ICE1: variants seen among roughly 807,000 people sequenced by gnomAD.
The protein encoded by ICE1 is interactor of little elongation complex ELL subunit 1.
Under a neutral mutation model 192.7 loss-of-function variants are expected in ICE1, and 64 were observed. The observed-to-expected ratio is 0.33, with a 90% CI of 0.27 to 0.41. The LOEUF is 0.41. ICE1 is among the 10% of genes least tolerant of loss of function. The probability of loss-of-function intolerance (pLI) is 1.00; values close to 1 mark genes in which losing one functional copy is unlikely to be tolerated. For missense variants in ICE1, 2,708 were observed against 2,696.0 expected (o/e 1.00, Z -0.10); for synonymous variants, 1,010 against 984.5 (o/e 1.03, Z -0.49).
chr5:5,446,463 C>T (rs1218949939), intron 7 of ICE1, among the ~76,000 whole-genome samples: 1 of 151,730 alleles, frequency 6.6e-6, no homozygotes, highest in African/African-American at 2.4e-5. Flanking sequence ...CTAATTTCGA[C>T]TAATTTTTGT....
intron 1 of ICE1, among the ~76,000 whole-genome samples, chr5:5,431,346 GTTTTCAGTCTTTCA>G (rs901159350): frequency 1.3e-5 from 2 of 152,148 alleles, no homozygotes; most frequent in African/African-American, 4.8e-5. Context: ...ATACTCGAAT[GTTTTCAGTCTTTCA>G]TTTTCTTCTC....
chr5:5,452,822 A>T (rs76609473), intron 10 of ICE1, among the ~76,000 whole-genome samples: 7,773 of 152,214 alleles, frequency 0.051, 647 homozygotes, highest in East Asian at 0.35. Flanking sequence ...AAAATAAATT[A>T]AATAAATAAA....
chr5:5,434,218 A>G (rs1737803608), intron 1 of ICE1, among the ~76,000 whole-genome samples: 1 of 152,218 alleles, frequency 6.6e-6, no homozygotes, highest in African/African-American at 2.4e-5. Context: ...TCAACCAATA[A>G]CCTGGAACAG....
intron 6 of ICE1, 22 bp downstream of exon 6, chr5:5,443,266 A>G (rs753659831): frequency 1.6e-6 from 2 of 1,256,110 alleles, no homozygotes; most frequent in Non-Finnish European, 2.2e-6. Context: ...CTAAATTACT[A>G]TAGAAATACG....
At chr5:5,424,021 G>C (rs1198805438) in intron 1 of ICE1, among the ~76,000 whole-genome samples, 2 of 152,208 alleles carry the variant, frequency 1.3e-5, no homozygotes, top group African/African-American at 4.8e-5. Flanking sequence ...TAATGGGAAG[G>C]ATCGGGCTGT....
rs1314196452 is a variant in ICE1, at chr5:5,460,526, A to G, written c.1192A>G (p.Thr398Ala). ...TGAGTGTGTTTCAGAAGATGATACAACTGAATCACAGAATTATTTTGGCTC... is the reference window on the plus strand; with the variant it reads ...TGAGTGTGTTTCAGAAGATGATACAGCTGAATCACAGAATTATTTTGGCTC... ...SAECVSEDDT[T>A]ESQNYFGSLR... The change falls in exon 13 of 19, where the codon ACT becomes GCT. Residue 398 changes from threonine (T) to alanine (A), a missense_variant. By Grantham distance (58) the Thr-to-Ala change is moderately conservative. Around this residue, in one of 2 missense-constraint regions of ICE1, gnomAD observed 2,366 missense variants for 2,276.6 expected, o/e 1.04. Transcript: ENST00000296564. 1.4e-5 allele frequency: 23 copies of G among 1,612,022 alleles called. No homozygotes were observed. Among genetic ancestry groups the G allele is most frequent in the Non-Finnish European group, 2.0e-5 (23 of 1,178,810 alleles).
intron 10 of ICE1, among the ~76,000 whole-genome samples, chr5:5,449,527 A>G (rs1290984321): frequency 6.6e-6 from 1 of 152,250 alleles, no homozygotes; most frequent in Non-Finnish European, 1.5e-5. Context: ...AGTAGAAGAA[A>G]TGAGGAAGAT....
intron 10 of ICE1, among the ~76,000 whole-genome samples, chr5:5,452,715 A>G (rs1206686235): frequency 6.6e-6 from 1 of 152,320 alleles, no homozygotes; most frequent in South Asian, 2.1e-4. Context: ...CAACAGGAGA[A>G]AACTGAATAA....
intron 15 of ICE1, among the ~76,000 whole-genome samples, chr5:5,470,051 C>G (rs748008274): frequency 1.3e-5 from 2 of 152,052 alleles, no homozygotes; most frequent in Non-Finnish European, 2.9e-5. Context: ...TTACCTGTTC[C>G]CAGAGAATTA....
intron 1 of ICE1, among the ~76,000 whole-genome samples, chr5:5,427,144 T>C (rs1737548578): frequency 6.6e-6 from 1 of 152,228 alleles, no homozygotes; most frequent in South Asian, 2.1e-4. Flanking sequence ...AGATCATTAT[T>C]TGATTCAGAA....
chr5:5,470,928 A>G (rs1349376089), intron 15 of ICE1, among the ~76,000 whole-genome samples: 3 of 152,222 alleles, frequency 2.0e-5, no homozygotes, highest in East Asian at 1.9e-4. Flanking sequence ...ACATGTACTC[A>G]TTAAAGTATC....
chr5:5,480,499 C>T (rs576261684), intron 17 of ICE1, among the ~76,000 whole-genome samples: 43 of 152,212 alleles, frequency 2.8e-4, no homozygotes, highest in African/African-American at 9.6e-4. Context: ...CCACCCACCT[C>T]GGCCTCCCAA....
rs777512873 is a variant in ICE1, at chr5:5,463,850, G to A, written c.4516G>A (p.Asp1506Asn). The A allele has an allele frequency of 6.8e-6, 11 of 1,613,908 alleles. No individual in the cohort carries two copies. Among genetic ancestry groups the A allele is most frequent in the Non-Finnish European group, 8.5e-6 (10 of 1,179,870 alleles). ...VSSSGQSTNFDKSRLRNRPVK... is the reference protein window; with the variant it reads ...VSSSGQSTNFNKSRLRNRPVK... ...AAGCAGTGGTCAGAGCACCAACTTT[G>A]ATAAGAGTCGTTTGCGAAATAGACC... The change falls in exon 13 of 19, where the codon GAT becomes AAT. Residue 1506 changes from aspartate to asparagine, a missense_variant. Physicochemically the swap from Asp to Asn is conservative, Grantham distance 23 (BLOSUM62 1). Coordinates refer to ENST00000296564, the MANE Select transcript of ICE1 (RefSeq NM_015325.3).
In ICE1 at chr5:5,477,422, C is replaced by T. The variant is rs186000271; in HGVS notation, c.6520+1343C>T. 8.5e-5 allele frequency among the ~76,000 whole-genome samples: 13 copies of T among 152,300 alleles called. No homozygotes were observed. In the East Asian group the frequency reaches 2.5e-3, roughly 29 times the overall value. ...ATAAATTCCTGGACACACACACTCT[C>T]CCAAGACTAAACCAGAAAGAAGTTG... is the stretch of plus-strand genomic sequence containing the variant. On this transcript the variant is annotated intron_variant, in intron 17 of 18. Coordinates refer to ENST00000296564, the MANE Select transcript of ICE1 (RefSeq NM_015325.3).
intron 14 of ICE1, among the ~76,000 whole-genome samples, chr5:5,468,222 A>G (rs370066714): frequency 2.6e-5 from 4 of 152,226 alleles, no homozygotes; most frequent in East Asian, 1.9e-4. Context: ...TATAGTGACA[A>G]TAGATCAGGG....
intron 11 of ICE1, 51 bp from the exon 12 acceptor site, chr5:5,457,281 G>A (rs756455671): frequency 4.6e-5 from 62 of 1,359,044 alleles, no homozygotes; most frequent in Non-Finnish European, 5.9e-5. Flanking sequence ...TTTTTTTTAA[G>A]TTTTCTTGAT....
At chr5:5,440,290 T>G (rs946291629) in intron 4 of ICE1, among the ~76,000 whole-genome samples, 2 of 152,206 alleles carry the variant, frequency 1.3e-5, no homozygotes, top group African/African-American at 4.8e-5. Context: ...ACATAAAATT[T>G]TGGCAATGTT....
At chr5:5,484,531 G>T (rs748733877) in intron 17 of ICE1, among the ~76,000 whole-genome samples, 10 of 152,156 alleles carry the variant, frequency 6.6e-5, no homozygotes, top group Non-Finnish European at 7.3e-5. Flanking sequence ...TGAAATTTCT[G>T]ATTTCTGAAG....
intron 5 of ICE1, 28 bp downstream of exon 5, chr5:5,441,251 T>C: frequency 7.3e-7 from 1 of 1,366,880 alleles, no homozygotes; most frequent in South Asian, 1.3e-5. Context: ...CTGTAAAGAT[T>C]TACGGTCAAT....
Sources: allele counts gnomAD v4.1 joint callset (sites outside exome capture counted in the v4.1 genomes callset), GRCh38; gene constraint gnomAD v4.1.1; regional missense constraint gnomAD v4.1.1; transcripts MANE v1.5; gene names NCBI Gene and HGNC (gene_info 2026-07-23, HGNC 2026-07-21).